The following ERCC5 variants were observed in gnomAD, a reference collection of about 807,000 sequenced individuals.
ERCC5 encodes the protein DNA excision repair protein ERCC-5.
Under a neutral mutation model 105.6 loss-of-function variants are expected in ERCC5, and 68 were observed. That is an observed-to-expected ratio of 0.64 (90% CI 0.53 to 0.79). The LOEUF is 0.79. Ranked by LOEUF, ERCC5 falls within the 30% of genes least tolerant of loss-of-function variation. The pLI, the probability that ERCC5 is intolerant of heterozygous loss-of-function variation, is 0.00. For missense variants in ERCC5, 1,373 were observed against 1,426.7 expected (o/e 0.96, Z 0.61); for synonymous variants, 546 against 526.2 (o/e 1.04, Z -0.51).
chr13:102,859,669 G>T (rs1038161464), intron 6 of ERCC5, among the ~76,000 whole-genome samples: 1 of 152,204 alleles, frequency 6.6e-6, no homozygotes, highest in African/African-American at 2.4e-5. Flanking sequence ...GGAAGTGGTG[G>T]ACTGTAGGGT....
rs1289758424 is a variant in ERCC5, at chr13:102,856,035, G to C, written c.468-17G>C. 2.5e-6 allele frequency: 4 copies of C among 1,613,408 alleles called. No homozygotes were observed. The highest frequency in any genetic ancestry group is 3.4e-6 in the Non-Finnish European group (4 of 1,179,502). ...CTTAAAAATCATAGATATCGTAAAAGTATGTTTGACTTTCAGTTCAGAAGA... is the reference window on the plus strand; with the variant it reads ...CTTAAAAATCATAGATATCGTAAAACTATGTTTGACTTTCAGTTCAGAAGA... On this transcript the variant is annotated splice_polypyrimidine_tract_variant and intron_variant, in intron 4 of 14. Transcript: ENST00000652225.
chr13:102,856,958 C>T (rs953009878), intron 5 of ERCC5, among the ~76,000 whole-genome samples: 1 of 152,202 alleles, frequency 6.6e-6, no homozygotes, highest in African/African-American at 2.4e-5. Flanking sequence ...TCCTGTTCCT[C>T]AGAAGCTAGT....
chr13:102,866,935 G>A (rs760594509), intron 11 of ERCC5, 90 bp downstream of exon 11: 179 of 1,431,494 alleles, frequency 1.3e-4, no homozygotes, highest in Non-Finnish European at 1.5e-4. Flanking sequence ...CTAGTTTGAT[G>A]CATTGATGGA....
In ERCC5 at chr13:102,859,781, T is replaced by C. The variant is rs375130163; in HGVS notation, c.672+1363T>C. Among the ~76,000 whole-genome samples, 92 of 152,304 alleles carry C rather than the reference T, an allele frequency of 6.0e-4. 1 individual carries two copies. Among genetic ancestry groups the C allele is most frequent in the Middle Eastern group, 3.4e-3 (1 of 294 alleles). On this transcript the variant is annotated intron_variant, in intron 6 of 14. Transcript: ENST00000652225. ...ATCTGTATGTCGTGCAAATGTAATA[T>C]TGATAATAGTAGTGATGGTAGGTAA...
At chr13:102,861,291 A>G (rs2140525926) in intron 6 of ERCC5, among the ~76,000 whole-genome samples, 1 of 152,214 alleles carries the variant, frequency 6.6e-6, no homozygotes, top group East Asian at 1.9e-4. Context: ...ACCTGGCCAT[A>G]GTATTCATGA....
chr13:102,861,954 C>G, intron 7 of ERCC5, 76 bp from the exon 8 acceptor site: 1 of 1,558,912 alleles, frequency 6.4e-7, no homozygotes, highest in Non-Finnish European at 8.8e-7. Flanking sequence ...AACCAGTGTT[C>G]TCTTATCCAT....
intron 11 of ERCC5, among the ~76,000 whole-genome samples, chr13:102,867,120 G>T (rs3818356): frequency 6.6e-6 from 1 of 152,034 alleles, no homozygotes; most frequent in Non-Finnish European, 1.5e-5. Context: ...AAAAGGTGGT[G>T]GAGAGGGGAA....
chr13:102,861,541 G>C lies in ERCC5; in HGVS notation c.707G>C (p.Gly236Ala), dbSNP rs201777503. 1.4e-5 allele frequency: 22 copies of C among 1,614,022 alleles called. No homozygotes were observed. The highest frequency in any genetic ancestry group is 5.3e-5 in the African/African-American group (4 of 74,994). ...GACTTTTCACAGTACCAACTCAAAG[G>C]CTTGCTTAAAAAGAACTATCTGAAC... The part of the protein sequence containing the change: ...SDDFSQYQLK[G>A]LLKKNYLNQH... The change falls in exon 7 of 15, where the codon GGC (glycine) becomes GCC (alanine). Residue 236 changes from glycine to alanine, a missense_variant. By Grantham distance (60) the Gly-to-Ala change is moderately conservative. Coordinates refer to ENST00000652225, the MANE Select transcript of ERCC5 (RefSeq NM_000123.4).
intron 1 of ERCC5, among the ~76,000 whole-genome samples, chr13:102,847,864 A>G (rs919010239): frequency 5.9e-5 from 9 of 152,240 alleles, no homozygotes; most frequent in African/African-American, 1.9e-4. Context: ...GTGAAGAATT[A>G]CTAAAGAGGA....
At chr13:102,849,318 T>C (rs1882106035) in intron 1 of ERCC5, 1 of 518,966 alleles carries the variant, frequency 1.9e-6, no homozygotes, top group Non-Finnish European at 3.8e-6. Flanking sequence ...ATCAAAGTTA[T>C]CCTTAAATCA....
At position 102,872,350 on chromosome 13, in the gene ERCC5, C is replaced by G. The variant is rs201841889; in HGVS notation, c.2831C>G (p.Ser944Trp). Reference sequence around the variant, plus strand: ...TACCTCAAACCCGTGGTGGATGACTCGAAGGGATCCTTTCTGTGGGGGAAA... The same window carrying G: ...TACCTCAAACCCGTGGTGGATGACTGGAAGGGATCCTTTCTGTGGGGGAAA... ...EAYLKPVVDD[S>W]KGSFLWGKPD... Residue 944 changes from serine (S) to tryptophan (W), a missense_variant, in exon 13 of 15, where the codon TCG becomes TGG. Physicochemically the swap from Ser to Trp is radical, Grantham distance 177. Coordinates refer to ENST00000652225, the MANE Select transcript of ERCC5 (RefSeq NM_000123.4). 6.2e-7 allele frequency: 1 copy of G among 1,614,136 alleles called. No individual in the cohort carries two copies. Among genetic ancestry groups the G allele is most frequent in the Middle Eastern group, 1.6e-4 (1 of 6,062 alleles).
intron 13 of ERCC5, 115 bp from the exon 14 acceptor site, chr13:102,873,144 T>C: frequency 8.0e-7 from 1 of 1,244,674 alleles, no homozygotes; most frequent in African/African-American, 1.5e-5. Flanking sequence ...TCTTTATAAA[T>C]AGGAAAATCT....
intron 8 of ERCC5, among the ~76,000 whole-genome samples, chr13:102,864,126 C>CCACACACA (rs10647676): frequency 0.079 from 11,065 of 140,832 alleles, 869 homozygotes; most frequent in African/African-American, 0.2. Flanking sequence ...AGAGAATCAA[C>CCACACACA]CACACACACA....
chr13:102,871,294 C>CTGA (rs1883025391), intron 12 of ERCC5, among the ~76,000 whole-genome samples: 1 of 152,296 alleles, frequency 6.6e-6, no homozygotes, highest in East Asian at 1.9e-4. Flanking sequence ...GCCATGGCCG[C>CTGA]CCTGCTCAAG....
intron 6 of ERCC5, chr13:102,859,040 A>T (rs1333061411): frequency 2.4e-6 from 1 of 425,174 alleles, no homozygotes; most frequent in African/African-American, 2.0e-5. Flanking sequence ...CCAGAAAGCT[A>T]GAGTGGAGGT....
rs569686280 is a variant in ERCC5, at chr13:102,875,863, G to A, written c.3521G>A (p.Arg1174Lys). Reference sequence around the variant, plus strand: ...AGATCTGTGTTTGGGAAGAAAAGAAGGAAACTAAGACGTGCGAGGGGAAGA... The same window carrying A: ...AGATCTGTGTTTGGGAAGAAAAGAAAGAAACTAAGACGTGCGAGGGGAAGA... Reference protein sequence around the residue: ...TARSVFGKKRRKLRRARGRKR... With the variant: ...TARSVFGKKRKKLRRARGRKR... Residue 1174 changes from arginine to lysine, a missense_variant, in exon 15 of 15, where the codon AGG (arginine) becomes AAG (lysine). By Grantham distance (26) the Arg-to-Lys change is conservative. Around this residue, in one of 3 missense-constraint regions of ERCC5, gnomAD observed 367 missense variants for 350.2 expected, o/e 1.05. Transcript: ENST00000652225. 2.5e-6 allele frequency: 4 copies of A among 1,611,886 alleles called. No individual in the cohort carries two copies. The South Asian group carries it at 3.3e-5, about 13-fold the overall frequency.
intron 5 of ERCC5, among the ~76,000 whole-genome samples, chr13:102,856,380 A>G (rs1882421472): frequency 6.6e-6 from 1 of 152,178 alleles, no homozygotes; most frequent in South Asian, 2.1e-4. Flanking sequence ...CAACCAACCA[A>G]TAGTAATATG....
At position 102,867,137 on chromosome 13, in the gene ERCC5, C is replaced by T. The variant is rs550334540; in HGVS notation, c.2533+292C>T. On this transcript the variant is annotated intron_variant, in intron 11 of 14. Coordinates refer to ENST00000652225, the MANE Select transcript of ERCC5 (RefSeq NM_000123.4). ...AAGGTGGTGGAGAGGGGAAGCAGGC[C>T]GCGCCTGGGCCTGTATTCGGGTTTC... 2.3e-4 allele frequency among the ~76,000 whole-genome samples: 35 copies of T among 152,308 alleles called. No homozygotes were observed. In the South Asian group the frequency reaches 3.3e-3, roughly 14 times the overall value.
chr13:102,875,991 C>A lies in ERCC5; in HGVS notation c.*88C>A. On this transcript the variant is annotated 3_prime_UTR_variant, in exon 15 of 15. Transcript: ENST00000652225. ...GACGTAATAAAATTAACTGGTGGCA[C>A]GGTCTTTGTATTTAGTGTGTGGTTC... is the stretch of plus-strand genomic sequence containing the variant. The A allele has an allele frequency of 6.7e-7, 1 of 1,482,472 alleles. No homozygotes were observed. The highest frequency in any genetic ancestry group is 9.2e-7 in the Non-Finnish European group (1 of 1,087,524). The allele number at this position is 1,482,472 out of a possible 1,614,324, so 91.8% of individuals were successfully genotyped here.
Sources: gnomAD v4.1 joint callset for allele counts (sites outside exome capture counted in the v4.1 genomes callset) on GRCh38, gnomAD v4.1.1 for gene constraint, gnomAD v4.1.1 regional missense constraint, MANE v1.5 for transcripts, NCBI Gene and HGNC (gene_info 2026-07-23, HGNC 2026-07-21) for gene names.